SLC30A7: variants seen among roughly 807,000 people sequenced by gnomAD.
The protein encoded by SLC30A7 is zinc transporter 7.
Under a neutral mutation model 46.0 loss-of-function variants are expected in SLC30A7, and 35 were observed. The observed-to-expected ratio is 0.76, with a 90% CI of 0.58 to 1.01. The LOEUF (loss-of-function observed/expected upper bound fraction) is 1.01. Among genes scored for constraint, SLC30A7 ranks in the 50% least tolerant of loss-of-function variants. The probability of loss-of-function intolerance (pLI) is 0.00; values close to 1 mark genes in which losing one functional copy is unlikely to be tolerated. For synonymous variants in SLC30A7, 147 were observed against 157.8 expected (o/e 0.93, Z 0.51); for missense variants, 464 against 451.1 (o/e 1.03, Z -0.26).
chr1:100,972,560 G>A (rs1398449701), intron 10 of SLC30A7: 1 of 151,988 alleles, frequency 6.6e-6, no homozygotes, highest in African/African-American at 2.4e-5. Context: ...TAAGGAAAAT[G>A]ACAGAGACAA....
intron 8 of SLC30A7, among the ~76,000 whole-genome samples, chr1:100,924,904 C>A (rs1317035450): frequency 6.6e-6 from 1 of 152,136 alleles, no homozygotes; most frequent in Non-Finnish European, 1.5e-5. Flanking sequence ...ATCATCTTCA[C>A]CAAATATTTA....
chr1:100,911,075 G>C lies in SLC30A7; in HGVS notation c.309G>C (p.Ala103=), dbSNP rs573856567. ...NDAFSYGYVR[A]EVLAGFVNGL... ...TGTTCCTCTTTAGGTATGTTAGAGC[G>C]GAAGTTCTGGCTGGCTTTGTCAATG... Residue 103 remains alanine, a synonymous_variant, in exon 4 of 11, where the codon GCG becomes GCC. Transcript: ENST00000357650. 1 of 1,610,522 alleles carries C rather than the reference G, an allele frequency of 6.2e-7. No homozygotes were observed. Among genetic ancestry groups the C allele is most frequent in the Admixed American group, 1.7e-5 (1 of 59,788 alleles).
the SLC30A7 span, chr1:100,990,555 T>TA: frequency 1.9e-6 from 3 of 1,614,034 alleles, no homozygotes. Flanking sequence ...ACATTTGCCT[T>TA]AAAGTGCCTG....
intron 10 of SLC30A7, among the ~76,000 whole-genome samples, chr1:100,968,986 G>T (rs889817038): frequency 6.6e-6 from 1 of 152,158 alleles, no homozygotes; most frequent in South Asian, 2.1e-4. Flanking sequence ...TCTAAAATCT[G>T]TCTTTCTGAT....
At chr1:100,926,304 G>C (rs1378695245) in intron 8 of SLC30A7, among the ~76,000 whole-genome samples, 1 of 152,156 alleles carries the variant, frequency 6.6e-6, no homozygotes. Context: ...AAAGAAGAGA[G>C]GTTTTATTGG....
At chr1:100,991,092 C>A in the SLC30A7 span, among the ~76,000 whole-genome samples, 1 of 151,864 alleles carries the variant, frequency 6.6e-6, no homozygotes, top group Non-Finnish European at 1.5e-5. Flanking sequence ...GTGTGATAAA[C>A]TTCAGTTTTC....
intron 10 of SLC30A7, among the ~76,000 whole-genome samples, chr1:100,967,325 C>G (rs907441502): frequency 6.6e-6 from 1 of 152,004 alleles, no homozygotes; most frequent in African/African-American, 2.4e-5. Context: ...TGTTCCACCT[C>G]AGATCATTAG....
chr1:100,921,985 G>A (rs147189096), intron 8 of SLC30A7, 144 bp downstream of exon 8: 16,765 of 717,184 alleles, frequency 0.023, 624 homozygotes, highest in South Asian at 0.1. Context: ...ACAGAGTCTC[G>A]CTCTGTCACC....
chr1:100,992,028 G>A, the SLC30A7 span, among the ~76,000 whole-genome samples: 1 of 151,788 alleles, frequency 6.6e-6, no homozygotes, highest in African/African-American at 2.4e-5. Context: ...AGCCCAGGAG[G>A]TGGAGGCTGC....
chr1:100,974,746 C>T, intron 10 of SLC30A7, 64 bp from the exon 11 acceptor site: 2 of 1,184,998 alleles, frequency 1.7e-6, no homozygotes, highest in Non-Finnish European at 2.3e-6. Flanking sequence ...AAATACTTTC[C>T]TGAAATGTGT....
At position 100,912,101 on chromosome 1, in the gene SLC30A7, G is replaced by A. The variant is rs1652141579; in HGVS notation, c.385-11G>A. ...TATCTATGCTATTTGTTTGTATTATGTGTTTTCTAGAGAGCATTAGCCCCT... is the reference window on the plus strand; with the variant it reads ...TATCTATGCTATTTGTTTGTATTATATGTTTTCTAGAGAGCATTAGCCCCT... On this transcript the variant is annotated splice_polypyrimidine_tract_variant and intron_variant, in intron 4 of 10. Transcript: ENST00000357650. The A allele has an allele frequency of 1.2e-6, 2 of 1,610,038 alleles. No homozygotes were observed. Among genetic ancestry groups the A allele is most frequent in the Non-Finnish European group, 1.7e-6 (2 of 1,177,314 alleles).
chr1:100,896,461 G>C, intron 1 of SLC30A7, 109 bp from the exon 2 acceptor site: 1 of 1,426,314 alleles, frequency 7.0e-7, no homozygotes, highest in Non-Finnish European at 9.9e-7. Flanking sequence ...ACCCCTAGCT[G>C]TGAAGAAAGG....
chr1:100,973,567 T>C (rs1656279393), intron 10 of SLC30A7, among the ~76,000 whole-genome samples: 1 of 152,038 alleles, frequency 6.6e-6, no homozygotes, highest in Non-Finnish European at 1.5e-5. Flanking sequence ...TAGTGAGAGG[T>C]CAATAATAAA....
intron 3 of SLC30A7, among the ~76,000 whole-genome samples, chr1:100,909,767 C>G (rs1322265556): frequency 6.6e-6 from 1 of 152,130 alleles, no homozygotes; most frequent in Non-Finnish European, 1.5e-5. Context: ...GAAAAACATT[C>G]TTGCCTTTGA....
rs930349910 is a variant in SLC30A7, at chr1:100,981,628, A to G, written c.*6771A>G. 4 of 152,250 alleles carry G rather than the reference A, an allele frequency of 2.6e-5. No individual in the cohort carries two copies. Among genetic ancestry groups the G allele is most frequent in the Non-Finnish European group, 4.4e-5 (3 of 68,042 alleles). 9.4% of individuals were successfully genotyped at this position (152,250 alleles called of 1,614,324 possible). On this transcript the variant is annotated 3_prime_UTR_variant, in exon 11 of 11. Coordinates refer to ENST00000357650, the MANE Select transcript of SLC30A7 (RefSeq NM_133496.5). ...TGCCCAAGTGCAATACAACAAATCTATAATGTATATTTCACATTTTCTACT... is the reference window on the plus strand; with the variant it reads ...TGCCCAAGTGCAATACAACAAATCTGTAATGTATATTTCACATTTTCTACT...
chr1:100,988,851 AAAATAAAT>A, the SLC30A7 span, among the ~76,000 whole-genome samples: 3 of 152,026 alleles, frequency 2.0e-5, no homozygotes, highest in Non-Finnish European at 2.9e-5. Flanking sequence ...CTGTGTCTCA[AAAATAAAT>A]AAATAAATAA....
At position 100,912,251 on chromosome 1, in the gene SLC30A7, G is replaced by A. The variant is rs776209366; in HGVS notation, c.511+13G>A. 2 of 1,606,710 alleles carry A rather than the reference G, an allele frequency of 1.2e-6. No homozygotes were observed. The highest frequency in any genetic ancestry group is 2.2e-5 in the South Asian group (2 of 89,238). ...TCTCATGGCTCTGGTATGATGGTTA[G>A]GACACTTTGTTTCTTCATTTTCTAC... is the stretch of plus-strand genomic sequence containing the variant. On this transcript the variant is annotated intron_variant, in intron 5 of 10. Coordinates refer to ENST00000357650, the MANE Select transcript of SLC30A7 (RefSeq NM_133496.5).
intron 2 of SLC30A7, among the ~76,000 whole-genome samples, chr1:100,906,389 C>T (rs773755405): frequency 6.6e-6 from 1 of 152,186 alleles, no homozygotes; most frequent in Non-Finnish European, 1.5e-5. Context: ...TCTTGCCGCT[C>T]TCCCTCTCTC....
intron 8 of SLC30A7, among the ~76,000 whole-genome samples, chr1:100,947,889 G>T (rs1376235166): frequency 6.6e-6 from 1 of 151,408 alleles, no homozygotes; most frequent in Admixed American, 6.6e-5. Context: ...TTTTTTGCTT[G>T]CCGTTTGCTT....
Sources: allele counts gnomAD v4.1 joint callset (sites outside exome capture counted in the v4.1 genomes callset), GRCh38; gene constraint gnomAD v4.1.1; transcripts MANE v1.5; gene names NCBI Gene and HGNC (gene_info 2026-07-23, HGNC 2026-07-21).